NDRG2: variants seen among roughly 807,000 people sequenced by gnomAD.
NDRG2 encodes the protein protein NDRG2.
A neutral mutation model predicts 58.2 loss-of-function variants in NDRG2; 34 were observed. The ratio of observed to expected loss-of-function variants is 0.58; its 90% CI spans 0.44 to 0.78. The LOEUF is 0.78. NDRG2 is among the 30% of genes least tolerant of loss of function. The pLI is 0.00. For missense variants in NDRG2, 434 were observed against 471.2 expected (o/e 0.92, Z 0.73); for synonymous variants, 187 against 175.9 (o/e 1.06, Z -0.50).
rs543717922 is a variant in NDRG2 at position 21,067,729 on chromosome 14, C to T, written c.24+3099G>A. The stretch of plus-strand genomic sequence containing the variant: ...TTCATATTCCCCCACTAAAAACACA[C>T]GTATCAACACATACTCTGTTGTGTA... On this transcript the variant is annotated intron_variant, in intron 1 of 14. Transcript: ENST00000403829. 7.2e-4 allele frequency among the ~76,000 whole-genome samples: 107 copies of T among 149,514 alleles called. 1 individual carries two copies. The South Asian group carries it at 0.021, about 29-fold the overall frequency.
chr14:21,054,412 GTCT>G (rs563601802), intron 1 of NDRG2, among the ~76,000 whole-genome samples: 64 of 152,182 alleles, frequency 4.2e-4, no homozygotes, highest in African/African-American at 1.5e-3. Flanking sequence ...ATGGCATTCA[GTCT>G]TCTTCTCTTG....
At chr14:21,025,526 G>A, upstream of NDRG2, 1 of 985,482 alleles carries the variant, frequency 1.0e-6, no homozygotes, top group Non-Finnish European at 1.2e-6. The surrounding 1 kb of genome is among the most constrained non-coding windows in gnomAD (Gnocchi z 5.1). Flanking sequence ...CAGAGAACTA[G>A]ATTAAGAAAG....
At position 21,020,663 on chromosome 14, in the gene NDRG2, C is replaced by T; in HGVS notation, c.469-81G>A. The T allele has an allele frequency of 3.2e-6, 5 of 1,575,952 alleles. No homozygotes were observed. The South Asian group carries it at 3.3e-5, about 11-fold the overall frequency. ...CCGCTAAGCTCGACCCACTCCTGGA[C>T]TCCCACAGGGCCTGACTCCCCACCT... is the stretch of plus-strand genomic sequence containing the variant. On this transcript the variant is annotated intron_variant, in intron 7 of 15. Transcript: ENST00000556147.
At position 21,024,397 on chromosome 14, in the gene NDRG2, T is replaced by A. The variant is rs1251376364; in HGVS notation, c.-374A>T. ...CGGATTCGAATCCCGGCTCTGCCAC[T>A]CCCAGTGTGACCTTGCCCCAGTTAG... On this transcript the variant is annotated 5_prime_UTR_variant, in exon 1 of 16. Transcript: ENST00000556147. 2.2e-6 allele frequency: 2 copies of A among 904,600 alleles called. No individual in the cohort carries two copies. The highest frequency in any genetic ancestry group is 3.6e-5 in the African/African-American group (2 of 55,584). 56.0% of individuals were successfully genotyped at this position (904,600 alleles called of 1,614,324 possible). A position where few individuals can be genotyped will look rare whatever the true frequency, so the allele number is the denominator to read the frequency against.
At chr14:21,062,578 T>TA (rs1886020564) in intron 1 of NDRG2, among the ~76,000 whole-genome samples, 1 of 152,174 alleles carries the variant, frequency 6.6e-6, no homozygotes, top group Non-Finnish European at 1.5e-5. Context: ...CCAGAAAAAG[T>TA]AAAACTCAAA....
intron 1 of NDRG2, among the ~76,000 whole-genome samples, chr14:21,065,316 C>G (rs1361156821): frequency 6.6e-6 from 1 of 152,148 alleles, no homozygotes; most frequent in East Asian, 1.9e-4. Flanking sequence ...TGACCCCAAG[C>G]CTCTGCCTTG....
At chr14:21,038,515 C>T (rs1459817258) in intron 1 of NDRG2, among the ~76,000 whole-genome samples, 2 of 152,134 alleles carry the variant, frequency 1.3e-5, no homozygotes, top group African/African-American at 4.8e-5. Flanking sequence ...AAGGGTCACC[C>T]TGGCTTGGAA....
rs778255978 is a variant in NDRG2 at position 21,017,091 on chromosome 14, C to A, written c.*505G>T. ...GGATGTTTCTATCACATCCTGAGGA[C>A]CACTAACCCACCAGCAAGTCTCCCC... On this transcript the variant is annotated 3_prime_UTR_variant, in exon 16 of 16. Transcript: ENST00000556147. 4.6e-6 allele frequency: 2 copies of A among 439,390 alleles called. No homozygotes were observed. The highest frequency in any genetic ancestry group is 9.3e-6 in the Non-Finnish European group (2 of 215,774). 27.2% of individuals were successfully genotyped at this position (439,390 alleles called of 1,614,324 possible).
chr14:21,063,826 TA>T (rs918756379), intron 1 of NDRG2, among the ~76,000 whole-genome samples: 1 of 152,222 alleles, frequency 6.6e-6, no homozygotes, highest in African/African-American at 2.4e-5. Flanking sequence ...ACAATTTCTT[TA>T]AAAGCTCTCT....
At chr14:21,044,506 C>T (rs1392998984) in intron 1 of NDRG2, among the ~76,000 whole-genome samples, 1 of 152,232 alleles carries the variant, frequency 6.6e-6, no homozygotes, top group Non-Finnish European at 1.5e-5. Flanking sequence ...CTTCCTTCCT[C>T]CTGATAATGA....
At chr14:21,039,600 C>G (rs2139106436) in intron 1 of NDRG2, among the ~76,000 whole-genome samples, 1 of 152,282 alleles carries the variant, frequency 6.6e-6, no homozygotes, top group Non-Finnish European at 1.5e-5. Flanking sequence ...CTACCAAGTA[C>G]AAGGTGAAGC....
At chr14:21,050,343 A>G (rs980736307) in intron 1 of NDRG2, among the ~76,000 whole-genome samples, 1 of 152,216 alleles carries the variant, frequency 6.6e-6, no homozygotes, top group Non-Finnish European at 1.5e-5. Context: ...ATATGCAACA[A>G]GAAAAAGGGC....
At chr14:21,018,972 C>CT in intron 11 of NDRG2, 144 bp downstream of exon 11, 1 of 1,254,558 alleles carries the variant, frequency 8.0e-7, no homozygotes, top group Middle Eastern at 2.0e-4. Flanking sequence ...GGGGGAAGAC[C>CT]TAGAGGGAAG....
At chr14:21,020,374 C>T (rs1879489679) in intron 8 of NDRG2, 122 bp downstream of exon 8, 1 of 721,762 alleles carries the variant, frequency 1.4e-6, no homozygotes. Context: ...CTTCACTTTC[C>T]TGCCCCTTTA....
At chr14:21,041,728 A>C (rs1360486135) in intron 1 of NDRG2, among the ~76,000 whole-genome samples, 1 of 152,214 alleles carries the variant, frequency 6.6e-6, no homozygotes, top group Non-Finnish European at 1.5e-5. Flanking sequence ...AGTGAAATTG[A>C]GAGGTGTTGG....
rs1405031548 is a variant in NDRG2, at chr14:21,070,036, C to A, written c.24+792G>T. On this transcript the variant is annotated intron_variant, in intron 1 of 14. Coordinates refer to the NDRG2 transcript ENST00000403829. This position sits in a 1 kb window ranked among gnomAD's most constrained non-coding sequence, Gnocchi z 4.7. ...CTCGGCTGGGCGGGCCTCCGAGGGT[C>A]AGGGTCGAGGTTACCCGCTGGAGGG... is the stretch of plus-strand genomic sequence containing the variant. 1.3e-5 allele frequency among the ~76,000 whole-genome samples: 2 copies of A among 152,276 alleles called. No individual in the cohort carries two copies. The highest frequency in any genetic ancestry group is 3.9e-4 in the East Asian group (2 of 5,178).
Position 21,022,061 on chromosome 14 carries a change from C to T in NDRG2, c.344+1G>A. The T allele has an allele frequency of 1.9e-6, 3 of 1,614,142 alleles. No homozygotes were observed. Among genetic ancestry groups the T allele is most frequent in the Non-Finnish European group, 2.5e-6 (3 of 1,180,026 alleles). On this transcript the variant is annotated splice_donor_variant, in intron 5 of 15. Transcript: ENST00000556147. LOFTEE classifies it high-confidence loss of function. ...TGAAGCAGTAACGACCTAACTCTTA[C>T]CCCAAAGGGAACACAGGGGCTCCCT...
Position 21,070,423 on chromosome 14 carries a change from T to C in NDRG2, c.24+405A>G, listed in dbSNP as rs1886624438. The C allele has an allele frequency of 2.1e-6, 3 of 1,403,352 alleles. No individual in the cohort carries two copies. Among genetic ancestry groups the C allele is most frequent in the Non-Finnish European group, 2.8e-6 (3 of 1,087,242 alleles). 86.9% of individuals were successfully genotyped at this position (1,403,352 alleles called of 1,614,324 possible). On this transcript the variant is annotated intron_variant, in intron 1 of 14. Transcript: ENST00000403829. This position sits in a 1 kb window ranked among gnomAD's most constrained non-coding sequence, Gnocchi z 4.7. ...TGGTGAGTCCAGCGTCGCAGCCCCC[T>C]GGGTCCCCTCGGCCTTCGCGCAGCC...
At position 21,022,386 on chromosome 14, in the gene NDRG2, C is replaced by T; in HGVS notation, c.223+6G>A. 4 of 1,610,786 alleles carry T rather than the reference C, an allele frequency of 2.5e-6. No homozygotes were observed. Among genetic ancestry groups the T allele is most frequent in the Non-Finnish European group, 3.4e-6 (4 of 1,177,022 alleles). ...ACAGGAGTGGGAGATGAATGAAGGTCCTTACAGTTGAGTCCCACATCGTGG... is the reference window on the plus strand; with the variant it reads ...ACAGGAGTGGGAGATGAATGAAGGTTCTTACAGTTGAGTCCCACATCGTGG... On this transcript the variant is annotated splice_donor_region_variant and intron_variant, in intron 4 of 15. Coordinates refer to ENST00000556147, the MANE Select transcript of NDRG2 (RefSeq NM_001320329.2).
Sources: gnomAD v4.1 joint callset for allele counts (sites outside exome capture counted in the v4.1 genomes callset) on GRCh38, gnomAD v4.1.1 for gene constraint, Gnocchi (gnomAD v3.1) non-coding constraint, MANE v1.5 for transcripts, NCBI Gene and HGNC (gene_info 2026-07-23, HGNC 2026-07-21) for gene names.